TSPAN19: variants seen among roughly 807,000 people sequenced by gnomAD.
TSPAN19 encodes tetraspanin 19.
TSPAN19 carries 44 observed loss-of-function variants against 35.1 expected under a neutral mutation model. That is an observed-to-expected ratio of 1.25 (90% CI 0.98 to 1.61). The LOEUF (loss-of-function observed/expected upper bound fraction) is 1.61, where lower values mean the gene tolerates loss of function less well. Ranked by LOEUF, TSPAN19 falls within the 40% of genes most tolerant of loss-of-function variation. The pLI is 0.00. For missense variants in TSPAN19, 290 were observed against 280.0 expected (o/e 1.04, Z -0.26); for synonymous variants, 79 against 92.0 (o/e 0.86, Z 0.81).
intron 6 of TSPAN19, 89 bp downstream of exon 6, chr12:85,019,537 T>C (rs1484959993): frequency 6.5e-6 from 5 of 766,894 alleles, no homozygotes; most frequent in Non-Finnish European, 1.1e-5. Context: ...CTTTCATCCA[T>C]CTGCCCCATC....
intron 1 of TSPAN19, among the ~76,000 whole-genome samples, chr12:85,032,876 T>C (rs915078865): frequency 1.3e-5 from 2 of 152,146 alleles, no homozygotes; most frequent in Non-Finnish European, 2.9e-5. Flanking sequence ...GATTAGTTAA[T>C]TGATGTTGAA....
chr12:85,026,686 G>C (rs764674453), intron 4 of TSPAN19, among the ~76,000 whole-genome samples: 1 of 152,118 alleles, frequency 6.6e-6, no homozygotes, highest in South Asian at 2.1e-4. Flanking sequence ...GAAGACTGAA[G>C]GAATGGAACT....
At chr12:85,032,239 A>G (rs1877720059) in intron 1 of TSPAN19, among the ~76,000 whole-genome samples, 1 of 152,146 alleles carries the variant, frequency 6.6e-6, no homozygotes, top group African/African-American at 2.4e-5. Flanking sequence ...AAAGTCATTC[A>G]TAGAGAACCA....
intron 4 of TSPAN19, among the ~76,000 whole-genome samples, chr12:85,025,881 T>C (rs1412959852): frequency 2.0e-5 from 3 of 152,224 alleles, no homozygotes; most frequent in Non-Finnish European, 4.4e-5. Flanking sequence ...ACTGTGTGAA[T>C]TAATTTGGTT....
At chr12:85,023,301 A>G (rs1346942409) in intron 5 of TSPAN19, 25 bp downstream of exon 5, 1 of 1,544,806 alleles carries the variant, frequency 6.5e-7, no homozygotes, top group African/African-American at 1.4e-5. Context: ...AACAGGATGT[A>G]TTGAAAAGGA....
intron 5 of TSPAN19, among the ~76,000 whole-genome samples, chr12:85,020,465 T>C (rs1426158186): frequency 1.3e-5 from 2 of 151,976 alleles, no homozygotes; most frequent in Non-Finnish European, 2.9e-5. Context: ...TATTATCCTT[T>C]CATAGTACTA....
intron 6 of TSPAN19, 96 bp from the exon 7 acceptor site, chr12:85,017,695 C>T (rs1016490267): frequency 6.6e-6 from 6 of 907,680 alleles, no homozygotes; most frequent in Middle Eastern, 6.8e-4. Flanking sequence ...ATGAAGATAA[C>T]TCATTAATTT....
chr12:85,021,835 T>C (rs1200780323), intron 5 of TSPAN19, among the ~76,000 whole-genome samples: 1 of 152,128 alleles, frequency 6.6e-6, no homozygotes, highest in Admixed American at 6.6e-5. Context: ...CATGAAATAC[T>C]TTAACAAGCA....
intron 1 of TSPAN19, among the ~76,000 whole-genome samples, chr12:85,034,935 T>C (rs1877878908): frequency 6.6e-6 from 1 of 152,216 alleles, no homozygotes; most frequent in Non-Finnish European, 1.5e-5. Flanking sequence ...TAAGGCATTA[T>C]TTCCAAAATT....
Position 85,029,806 on chromosome 12 carries a change from T to G in TSPAN19, c.67-15A>C, listed in dbSNP as rs376725281. 6.5e-7 allele frequency: 1 copy of G among 1,539,916 alleles called. No individual in the cohort carries two copies. Among genetic ancestry groups the G allele is most frequent in the African/African-American group, 1.4e-5 (1 of 72,030 alleles). On this transcript the variant is annotated splice_polypyrimidine_tract_variant and intron_variant, in intron 2 of 8. Coordinates refer to ENST00000532498, the MANE Select transcript of TSPAN19 (RefSeq NM_001100917.2). ...AGTCCAAGAACCTAAAAAAAGAAAG[T>G]CAATGCTTATTTTTTTGTAATTGCC...
chr12:85,014,648 T>C, intron 8 of TSPAN19, 93 bp from the exon 9 acceptor site: 1 of 902,338 alleles, frequency 1.1e-6, no homozygotes, highest in Non-Finnish European at 1.7e-6. Flanking sequence ...AAATGCGTAT[T>C]GTAAAGGGAA....
At chr12:85,021,687 T>C (rs1877135863) in intron 5 of TSPAN19, among the ~76,000 whole-genome samples, 1 of 152,128 alleles carries the variant, frequency 6.6e-6, no homozygotes, top group Non-Finnish European at 1.5e-5. Flanking sequence ...CTGAGTTAGG[T>C]ACTGTAAATG....
At chr12:85,029,850 T>C in intron 2 of TSPAN19, 31 bp downstream of exon 2, 1 of 1,512,290 alleles carries the variant, frequency 6.6e-7, no homozygotes, top group Non-Finnish European at 8.9e-7. Flanking sequence ...AGATTACATT[T>C]TCTTTACTGT....
intron 7 of TSPAN19, chr12:85,016,699 T>G (rs1024143769): frequency 3.3e-5 from 5 of 151,936 alleles, no homozygotes; most frequent in African/African-American, 1.2e-4. Context: ...TGAAAACTTA[T>G]GAATTGTTTA....
chr12:85,023,444 T>C (rs1171617805), intron 4 of TSPAN19, 44 bp from the exon 5 acceptor site: 2 of 1,399,114 alleles, frequency 1.4e-6, no homozygotes, highest in African/African-American at 1.4e-5. Context: ...GCTACTAATA[T>C]ATGTTTTGTA....
At chr12:85,019,575 T>C (rs1385078049) in intron 6 of TSPAN19, 51 bp downstream of exon 6, 2 of 1,136,244 alleles carry the variant, frequency 1.8e-6, no homozygotes, top group East Asian at 4.8e-5. Flanking sequence ...CTCTCTTCTG[T>C]CCCACAGTGG....
intron 1 of TSPAN19, among the ~76,000 whole-genome samples, chr12:85,034,449 C>T (rs1391695972): frequency 1.3e-5 from 2 of 152,088 alleles, no homozygotes; most frequent in Non-Finnish European, 2.9e-5. Flanking sequence ...TTATTATGTA[C>T]TCTCTAAAGG....
Position 85,014,547 on chromosome 12 carries a change from T to G in TSPAN19, c.687A>C (p.Gln229His). ...TGAAGAAACAAACTGTTAATGAGAC[T>G]TGGAAAACCTGGAAGAAAAGGGAAC... is the stretch of plus-strand genomic sequence containing the variant. ...NFGLLTSEVF[Q>H]VSLTVCFFKN... is the part of the protein sequence containing the mutation. Residue 229 changes from glutamine (Q) to histidine (H), a missense_variant, in exon 9 of 9, where the codon CAA (glutamine) becomes CAC (histidine). Coordinates refer to ENST00000532498, the MANE Select transcript of TSPAN19 (RefSeq NM_001100917.2). The G allele has an allele frequency of 6.3e-7, 1 of 1,595,850 alleles. No individual in the cohort carries two copies. Among genetic ancestry groups the G allele is most frequent in the Non-Finnish European group, 8.6e-7 (1 of 1,169,534 alleles).
rs751546859 is a variant in TSPAN19, at chr12:85,014,491, A to G, written c.743T>C (p.Met248Thr). Residue 248 changes from methionine to threonine, a missense_variant, in exon 9 of 9, where the codon ATG (methionine) becomes ACG (threonine). Physicochemically the swap from Met to Thr is moderately conservative, Grantham distance 81 (BLOSUM62 -1). Coordinates refer to ENST00000532498, the MANE Select transcript of TSPAN19 (RefSeq NM_001100917.2). Reference sequence around the variant, plus strand: ...GAACAAATTGAAATCCAAAGGTCACATTTCTGCATGGATTATATTCTTGAT... The same window carrying G: ...GAACAAATTGAAATCCAAAGGTCACGTTTCTGCATGGATTATATTCTTGAT... ...KNIKNIIHAE[M>T] The G allele has an allele frequency of 1.3e-5, 20 of 1,595,926 alleles. No individual in the cohort carries two copies. In the African/African-American group the frequency reaches 2.2e-4, roughly 17 times the overall value.
Sources: gnomAD v4.1 joint callset for allele counts (sites outside exome capture counted in the v4.1 genomes callset) on GRCh38, gnomAD v4.1.1 for gene constraint, MANE v1.5 for transcripts, NCBI Gene and HGNC (gene_info 2026-07-23, HGNC 2026-07-21) for gene names.